ST6GAL1: variants seen among roughly 807,000 people sequenced by gnomAD.
ST6GAL1 encodes beta-galactoside alpha-2,6-sialyltransferase 1.
ST6GAL1 carries 20 observed loss-of-function variants against 38.0 expected under a neutral mutation model. That is an observed-to-expected ratio of 0.53 (90% CI 0.37 to 0.77). The LOEUF is 0.77. Among genes scored for constraint, ST6GAL1 ranks in the 30% least tolerant of loss-of-function variants. The pLI is 0.00. For missense variants in ST6GAL1, 432 were observed against 496.4 expected, an observed-to-expected ratio of 0.87 and a Z score of 1.23; for synonymous variants, 196 against 188.2, an observed-to-expected ratio of 1.04 and a Z score of -0.34.
intron 2 of ST6GAL1, among the ~76,000 whole-genome samples, chr3:186,964,665 G>A (rs1026606438): frequency 6.6e-6 from 1 of 152,160 alleles, no homozygotes; most frequent in Non-Finnish European, 1.5e-5. Context: ...CAAGAATTTT[G>A]CAAACTGCTT....
At chr3:187,052,402 C>G (rs1418807535) in intron 5 of ST6GAL1, among the ~76,000 whole-genome samples, 1 of 152,188 alleles carries the variant, frequency 6.6e-6, no homozygotes, top group Non-Finnish European at 1.5e-5. Flanking sequence ...CACCCATCAA[C>G]TCGTCATTTA....
intron 1 of ST6GAL1, among the ~76,000 whole-genome samples, chr3:186,948,376 C>T (rs1714451548): frequency 6.6e-6 from 1 of 152,216 alleles, no homozygotes; most frequent in Non-Finnish European, 1.5e-5. Flanking sequence ...AGAAATTGGG[C>T]TTCTGACAAC....
chr3:187,017,809 C>A (rs1386088743), intron 2 of ST6GAL1, among the ~76,000 whole-genome samples: 1 of 152,198 alleles, frequency 6.6e-6, no homozygotes, highest in East Asian at 1.9e-4. Context: ...CTGGCGCGAT[C>A]CCCAGCCCTG....
intron 3 of ST6GAL1, among the ~76,000 whole-genome samples, chr3:187,039,273 G>A (rs1335110406): frequency 1.3e-5 from 2 of 152,176 alleles, no homozygotes; most frequent in East Asian, 3.8e-4. Flanking sequence ...GCAAGTCGCT[G>A]TGTTCTTCCT....
chr3:186,997,256 C>T (rs73888339), intron 2 of ST6GAL1, among the ~76,000 whole-genome samples: 1 of 152,124 alleles, frequency 6.6e-6, no homozygotes, highest in Non-Finnish European at 1.5e-5. Flanking sequence ...TTATCTCATG[C>T]AATGACCAGG....
At position 187,001,955 on chromosome 3, in the gene ST6GAL1, C is replaced by CAA. The variant is rs757487688; in HGVS notation, c.-182-36772_-182-36771dup. On this transcript the variant is annotated intron_variant, in intron 2 of 7. Transcript: ENST00000169298. ...TGGACAACAGAGTGAGACTTTGTCT[C>CAA]AAAAAAAAAAAAAAAACCCAAAAAC... Among the ~76,000 whole-genome samples, 526 of 130,446 alleles carry CAA rather than the reference C, an allele frequency of 4.0e-3. 7 individuals carry two copies. Among genetic ancestry groups the CAA allele is most frequent in the African/African-American group, 0.011 (393 of 34,210 alleles). 85.6% of individuals were successfully genotyped at this position (130,446 alleles called of 152,430 possible). A position where few individuals can be genotyped will look rare whatever the true frequency, so the allele number is the denominator to read the frequency against.
chr3:186,968,734 T>A (rs1212765848), intron 2 of ST6GAL1, among the ~76,000 whole-genome samples: 1 of 152,262 alleles, frequency 6.6e-6, no homozygotes, highest in African/African-American at 2.4e-5. Flanking sequence ...TATTTATCCA[T>A]TTACTTGTTG....
intron 4 of ST6GAL1, among the ~76,000 whole-genome samples, chr3:187,048,511 T>C (rs1718385436): frequency 6.6e-6 from 1 of 152,146 alleles, no homozygotes; most frequent in South Asian, 2.1e-4. Flanking sequence ...ATGAAGGAAA[T>C]TCCCTCAGTG....
At chr3:187,006,465 C>CT (rs1213605389) in intron 2 of ST6GAL1, 1 of 152,214 alleles carries the variant, frequency 6.6e-6, no homozygotes, top group African/African-American at 2.4e-5. Flanking sequence ...CTCCTTTCCC[C>CT]TTTTCCCTGC....
intron 7 of ST6GAL1, among the ~76,000 whole-genome samples, chr3:187,074,841 G>C (rs754671062): frequency 4.6e-5 from 7 of 152,082 alleles, no homozygotes; most frequent in Non-Finnish European, 5.9e-5. Context: ...CAGTCATCAA[G>C]ATAAATAATA....
Position 187,076,792 on chromosome 3 carries a change from A to ACCTCCTAC in ST6GAL1, c.*992_*999dup, listed in dbSNP as rs1719577677. 1 of 398,484 alleles carries ACCTCCTAC rather than the reference A, an allele frequency of 2.5e-6. No homozygotes were observed. The highest frequency in any genetic ancestry group is 4.4e-5 in the Admixed American group (1 of 22,652). The allele number at this position is 398,484 out of a possible 1,614,324, so 24.7% of individuals were successfully genotyped here. A position where few individuals can be genotyped will look rare whatever the true frequency, so the allele number is the denominator to read the frequency against. On this transcript the variant is annotated 3_prime_UTR_variant, in exon 8 of 8. Transcript: ENST00000169298. ...GAGACTCAAGATATTTTTTTAGGAA[A>ACCTCCTAC]CCTCCTACCCATGTCTGAGGTAGCA...
intron 5 of ST6GAL1, among the ~76,000 whole-genome samples, chr3:187,069,526 A>G (rs1053577404): frequency 1.3e-5 from 2 of 152,076 alleles, no homozygotes; most frequent in African/African-American, 2.4e-5. Context: ...TCAACATTCA[A>G]TTAGTCTTCA....
At chr3:187,059,632 T>TA (rs1044690259) in intron 5 of ST6GAL1, among the ~76,000 whole-genome samples, 74 of 152,278 alleles carry the variant, frequency 4.9e-4, no homozygotes, top group African/African-American at 1.5e-3. Flanking sequence ...TACTTCTCTC[T>TA]AAAAAAGGGA....
intron 2 of ST6GAL1, among the ~76,000 whole-genome samples, chr3:187,000,934 T>C (rs11711797): frequency 0.18 from 27,902 of 152,240 alleles, 2,608 homozygotes; most frequent in African/African-American, 0.2. Context: ...AAATGGGCCA[T>C]GCATTTGTGC....
intron 5 of ST6GAL1, among the ~76,000 whole-genome samples, chr3:187,058,613 T>G (rs1241940501): frequency 6.9e-6 from 1 of 144,674 alleles, no homozygotes; most frequent in Non-Finnish European, 1.5e-5. Flanking sequence ...AAATTTATAT[T>G]TTGGCTTTTG....
chr3:186,965,413 T>C (rs970815310), intron 2 of ST6GAL1, among the ~76,000 whole-genome samples: 1 of 152,180 alleles, frequency 6.6e-6, no homozygotes, highest in Non-Finnish European at 1.5e-5. Context: ...CATAATGAAG[T>C]CCCAGCCTCT....
chr3:187,040,154 C>T (rs1718078416), intron 3 of ST6GAL1, among the ~76,000 whole-genome samples: 1 of 152,200 alleles, frequency 6.6e-6, no homozygotes, highest in African/African-American at 2.4e-5. Context: ...ATTTGTATTT[C>T]CAAACCTCAC....
At chr3:186,992,659 T>C (rs1235031196) in intron 2 of ST6GAL1, among the ~76,000 whole-genome samples, 2 of 152,046 alleles carry the variant, frequency 1.3e-5, no homozygotes, top group Non-Finnish European at 2.9e-5. Flanking sequence ...TAGCTGCATG[T>C]GGTGGCGGGC....
chr3:186,983,445 C>T (rs747353326), intron 2 of ST6GAL1, among the ~76,000 whole-genome samples: 7 of 152,010 alleles, frequency 4.6e-5, no homozygotes, highest in Non-Finnish European at 1.0e-4. Flanking sequence ...TAGAAGCTTG[C>T]GACCTATTCA....
Sources: allele counts gnomAD v4.1 joint callset (sites outside exome capture counted in the v4.1 genomes callset), GRCh38; gene constraint gnomAD v4.1.1; transcripts MANE v1.5; gene names NCBI Gene and HGNC (gene_info 2026-07-23, HGNC 2026-07-21).